U2SURP: variants seen among roughly 807,000 people sequenced by gnomAD.
U2SURP encodes U2 snRNP-associated SURP motif-containing protein.
In U2SURP, 9 loss-of-function variants were observed where a neutral mutation model predicts 144.9. The ratio of observed to expected loss-of-function variants is 0.06; its 90% CI spans 0.04 to 0.11. U2SURP has a LOEUF of 0.11. Among genes scored for constraint, U2SURP ranks in the 10% least tolerant of loss-of-function variants. The pLI is 1.00. For missense variants in U2SURP, 724 were observed against 1,226.7 expected, an observed-to-expected ratio of 0.59 and a Z score of 6.12; for synonymous variants, 408 against 396.8, an observed-to-expected ratio of 1.03 and a Z score of -0.33.
chr3:143,035,664 G>T (rs576801006), intron 19 of U2SURP, among the ~76,000 whole-genome samples: 35 of 152,232 alleles, frequency 2.3e-4, no homozygotes, highest in African/African-American at 8.4e-4. Context: ...GTTTTAGTAA[G>T]TTTCTATGTA....
intron 21 of U2SURP, 79 bp downstream of exon 21, chr3:143,037,414 T>C (rs1273708698): frequency 1.5e-5 from 20 of 1,334,624 alleles, no homozygotes; most frequent in Non-Finnish European, 2.1e-5. Context: ...CATGCTGATA[T>C]GGAAAAAGGT....
intron 1 of U2SURP, among the ~76,000 whole-genome samples, chr3:143,010,477 G>A (rs1331055584): frequency 1.3e-5 from 2 of 152,302 alleles, no homozygotes; most frequent in Non-Finnish European, 2.9e-5. Flanking sequence ...GGCAGTAAAC[G>A]ATGCATCTAT....
At chr3:143,017,167 T>C in intron 6 of U2SURP, 192 bp downstream of exon 6, 1 of 438,434 alleles carries the variant, frequency 2.3e-6, no homozygotes, top group Admixed American at 4.4e-5. Context: ...TAGATGATAT[T>C]CTTTTTATGC....
chr3:143,060,646 G>T lies in U2SURP; in HGVS notation c.*4196G>T, dbSNP rs1935332262. On this transcript the variant is annotated 3_prime_UTR_variant, in exon 28 of 28. Transcript: ENST00000473835. Reference sequence around the variant, plus strand: ...CTTTCTCTCAAGTGAAATAAGTGATGTGACATGTTTATCAGTTATGGCTAA... The same window carrying T: ...CTTTCTCTCAAGTGAAATAAGTGATTTGACATGTTTATCAGTTATGGCTAA... 6.6e-6 allele frequency: 1 copy of T among 151,988 alleles called. No homozygotes were observed. The allele number at this position is 151,988 out of a possible 1,614,324, so 9.4% of individuals were successfully genotyped here.
chr3:143,001,950 T>G (rs1935553590), intron 1 of U2SURP, among the ~76,000 whole-genome samples: 1 of 152,234 alleles, frequency 6.6e-6, no homozygotes, highest in Non-Finnish European at 1.5e-5. Flanking sequence ...GAATTCAGAT[T>G]GAGGTCTGAA....
rs1209994048 is a variant in U2SURP at position 143,060,009 on chromosome 3, A to G, written c.*3559A>G. On this transcript the variant is annotated 3_prime_UTR_variant, in exon 28 of 28. Transcript: ENST00000473835. ...ATCCCAGGGGAAGTGTTGTGATGCT[A>G]GACTAAAAGGTGGGAATGTGCTGCT... is the stretch of plus-strand genomic sequence containing the variant. The G allele has an allele frequency of 1.3e-5, 2 of 152,434 alleles. No homozygotes were observed. Among genetic ancestry groups the G allele is most frequent in the Non-Finnish European group, 2.9e-5 (2 of 67,880 alleles). The allele number at this position is 152,434 out of a possible 1,614,324, so 9.4% of individuals were successfully genotyped here. A position where few individuals can be genotyped will look rare whatever the true frequency, so the allele number is the denominator to read the frequency against.
In U2SURP at chr3:143,016,944, C is replaced by G; in HGVS notation, c.539C>G (p.Pro180Arg). 5.7e-6 allele frequency: 9 copies of G among 1,589,296 alleles called. No individual in the cohort carries two copies. The highest frequency in any genetic ancestry group is 7.7e-6 in the Non-Finnish European group (9 of 1,171,932). The change falls in exon 6 of 28, where the codon CCA becomes CGA. Residue 180 changes from proline to arginine, a missense_variant. This residue lies in a region of U2SURP where 115 missense variants were observed against 258.1 expected (regional missense o/e 0.45). Coordinates refer to ENST00000473835, the MANE Select transcript of U2SURP (RefSeq NM_001080415.2). Reference sequence around the variant, plus strand: ...AATCAGTCTTCCAATGAAAGACCACCATCTCTTCTTGTGATAGAAACCAAA... The same window carrying G: ...AATCAGTCTTCCAATGAAAGACCACGATCTCTTCTTGTGATAGAAACCAAA... The part of the protein sequence containing the change: ...PPNQSSNERP[P>R]SLLVIETKKP...
chr3:143,034,830 TAAAAGGGA>T (rs777848656), intron 18 of U2SURP, 50 bp from the exon 19 acceptor site: 82 of 1,185,210 alleles, frequency 6.9e-5, no homozygotes, highest in Non-Finnish European at 9.0e-5. Flanking sequence ...GCTGGCATGC[TAAAAGGGA>T]AAGGAATTTT....
Position 143,022,682 on chromosome 3 carries a change from C to A in U2SURP, c.1018+20C>A. 3 of 1,594,374 alleles carry A rather than the reference C, an allele frequency of 1.9e-6. No individual in the cohort carries two copies. Among genetic ancestry groups the A allele is most frequent in the South Asian group, 1.1e-5 (1 of 88,864 alleles). On this transcript the variant is annotated intron_variant, in intron 11 of 27. Transcript: ENST00000473835. ...TGAATGGTAAGAACATTTTTATTAT[C>A]CATTTATACAATTCAGATATTTCTT...
intron 6 of U2SURP, among the ~76,000 whole-genome samples, chr3:143,018,151 T>G: frequency 6.6e-6 from 1 of 152,144 alleles, no homozygotes; most frequent in East Asian, 1.9e-4. Context: ...TTCAGAATAT[T>G]TTTATCACCC....
chr3:143,038,067 C>A (rs758911860), intron 21 of U2SURP, 41 bp from the exon 22 acceptor site: 7 of 1,457,818 alleles, frequency 4.8e-6, no homozygotes, highest in Non-Finnish European at 6.5e-6. Flanking sequence ...TTCGGGTCAT[C>A]CACTAGTAGT....
At chr3:143,020,752 A>G in intron 8 of U2SURP, 59 bp downstream of exon 8, 1 of 1,328,686 alleles carries the variant, frequency 7.5e-7, no homozygotes. Flanking sequence ...TTCCCACCTT[A>G]TCCGTGGCGG....
At chr3:143,010,941 C>A in intron 2 of U2SURP, 82 bp downstream of exon 2, 1 of 1,039,350 alleles carries the variant, frequency 9.6e-7, no homozygotes, top group Non-Finnish European at 1.4e-6. Context: ...AATGATTTTA[C>A]TTGACAAATA....
At chr3:143,003,677 C>CTTTTTTTTTTTTTTTTTTTTTTTTTTTTT in intron 1 of U2SURP, among the ~76,000 whole-genome samples, 1 of 101,506 alleles carries the variant, frequency 9.9e-6, no homozygotes, top group Non-Finnish European at 1.9e-5. Flanking sequence ...TATTTTATTT[C>CTTTTTTTTTTTTTTTTTTTTTTTTTTTTT]TTTTTTTTTT....
intron 6 of U2SURP, among the ~76,000 whole-genome samples, chr3:143,018,168 G>T (rs1456468531): frequency 6.6e-6 from 1 of 152,010 alleles, no homozygotes; most frequent in Non-Finnish European, 1.5e-5. Flanking sequence ...ACCCTAAAAA[G>T]AAATCCCTAC....
chr3:143,047,298 G>T (rs1578167272), intron 24 of U2SURP, among the ~76,000 whole-genome samples: 1 of 30,808 alleles, frequency 3.2e-5, no homozygotes, highest in Non-Finnish European at 5.4e-5. Flanking sequence ...CCTCCCGGAC[G>T]GGGCGGCTGG....
At chr3:143,025,306 C>T (rs1933071186) in intron 13 of U2SURP, among the ~76,000 whole-genome samples, 1 of 152,116 alleles carries the variant, frequency 6.6e-6, no homozygotes, top group Non-Finnish European at 1.5e-5. Flanking sequence ...TGTGGCTCAG[C>T]TTATTTCTAA....
At chr3:143,042,225 C>T (rs1457422283) in intron 23 of U2SURP, among the ~76,000 whole-genome samples, 2 of 152,012 alleles carry the variant, frequency 1.3e-5, no homozygotes, top group Admixed American at 1.3e-4. Flanking sequence ...AGAACCAGTG[C>T]AACTTTCAGA....
At chr3:143,053,056 G>A (rs1470788319) in intron 25 of U2SURP, among the ~76,000 whole-genome samples, 3 of 148,942 alleles carry the variant, frequency 2.0e-5, no homozygotes, top group African/African-American at 5.0e-5. Flanking sequence ...ATAAAACTTC[G>A]ATGGAAGATT....
Sources: allele counts gnomAD v4.1 joint callset (sites outside exome capture counted in the v4.1 genomes callset), GRCh38; gene constraint gnomAD v4.1.1; regional missense constraint gnomAD v4.1.1; transcripts MANE v1.5; gene names NCBI Gene and HGNC (gene_info 2026-07-23, HGNC 2026-07-21).